Variants in RAD18 observed in about 807,000 individuals in gnomAD.
RAD18 encodes E3 ubiquitin-protein ligase RAD18.
RAD18 carries 47 observed loss-of-function variants against 60.4 expected under a neutral mutation model. The ratio of observed to expected loss-of-function variants is 0.78; its 90% CI spans 0.62 to 0.99. The LOEUF (loss-of-function observed/expected upper bound fraction) is 0.99. RAD18 is among the 50% of genes least tolerant of loss of function. The pLI is 0.00. For synonymous variants in RAD18, 225 were observed against 195.5 expected, an observed-to-expected ratio of 1.15 and a Z score of -1.26; for missense variants, 640 against 593.3, an observed-to-expected ratio of 1.08 and a Z score of -0.82.
rs1940746197 is a variant in RAD18, at chr3:8,941,517, G to C, written c.554C>G (p.Ala185Gly). ...TGTCGAGGGTGGCTCAGGACGCTTA[G>C]CCTCTGAGGGATCTGGAGCGATCTC... ...VEEIAPDPSE[A>G]KRPEPPSTST... The change falls in exon 5 of 13, where the codon GCT becomes GGT. Residue 185 changes from alanine (A) to glycine (G), a missense_variant. Physicochemically the swap from Ala to Gly is moderately conservative, Grantham distance 60. Coordinates refer to ENST00000264926, the MANE Select transcript of RAD18 (RefSeq NM_020165.4). 6.2e-7 allele frequency: 1 copy of C among 1,613,914 alleles called. No homozygotes were observed. The highest frequency in any genetic ancestry group is 2.2e-5 in the East Asian group (1 of 44,870).
chr3:8,948,414 A>C (rs1045299689), intron 3 of RAD18, 95 bp downstream of exon 3: 5 of 1,026,256 alleles, frequency 4.9e-6, no homozygotes, highest in Non-Finnish European at 7.3e-6. Context: ...CAGTAACTAC[A>C]CATCACCCTA....
At chr3:8,947,142 C>T in intron 4 of RAD18, 78 bp downstream of exon 4, 1 of 1,113,336 alleles carries the variant, frequency 9.0e-7, no homozygotes, top group Non-Finnish European at 1.3e-6. Context: ...TTCCCTAATC[C>T]AAAGGTGCAC....
intron 9 of RAD18, among the ~76,000 whole-genome samples, chr3:8,910,503 G>A (rs191258703): frequency 8.5e-4 from 130 of 152,202 alleles, no homozygotes; most frequent in Non-Finnish European, 1.6e-3. Flanking sequence ...AGCTACTCAG[G>A]AGGCTGAGGC....
intron 7 of RAD18, among the ~76,000 whole-genome samples, chr3:8,926,918 T>C (rs1329783748): frequency 6.6e-6 from 1 of 152,084 alleles, no homozygotes; most frequent in African/African-American, 2.4e-5. Context: ...TCAAGATGGA[T>C]TAAAGACTTA....
At chr3:8,947,067 A>T in intron 4 of RAD18, 153 bp downstream of exon 4, 1 of 631,710 alleles carries the variant, frequency 1.6e-6, no homozygotes, top group South Asian at 2.2e-5. Context: ...TACTCTAGTA[A>T]ATTTTCCATG....
intron 12 of RAD18, 197 bp downstream of exon 12, chr3:8,890,191 AC>A: frequency 1.8e-6 from 1 of 569,360 alleles, no homozygotes; most frequent in South Asian, 2.2e-5. Context: ...ATACATAACT[AC>A]AGTTATTACA....
intron 8 of RAD18, 93 bp from the exon 9 acceptor site, chr3:8,912,465 T>C: frequency 1.2e-6 from 1 of 849,720 alleles, no homozygotes; most frequent in South Asian, 1.8e-5. Context: ...TGTGAGTGTT[T>C]AAAATAGAGG....
rs902836650 is a variant in RAD18 at position 8,960,083 on chromosome 3, G to A, written c.52-1082C>T. On this transcript the variant is annotated intron_variant, in intron 1 of 12. Transcript: ENST00000264926. ...AGCACTTTGGGAGGCCAAGGCAGGA[G>A]AACTGCTTGAGTCCAGGAGTTTGAG... Among the ~76,000 whole-genome samples, 6 of 152,208 alleles carry A rather than the reference G, an allele frequency of 3.9e-5. No individual in the cohort carries two copies. In the South Asian group the frequency reaches 1.0e-3, roughly 26 times the overall value.
At position 8,881,244 on chromosome 3, in the gene RAD18, A is replaced by T. The variant is rs1559750215; in HGVS notation, c.*113T>A. The T allele has an allele frequency of 2.4e-6, 2 of 849,656 alleles. No individual in the cohort carries two copies. 52.6% of individuals were successfully genotyped at this position (849,656 alleles called of 1,614,324 possible). On this transcript the variant is annotated 3_prime_UTR_variant, in exon 13 of 13. Transcript: ENST00000264926. ...AAAGAATGAATATCAGCTAACCGTA[A>T]TATTTAGAATTTAGCATCTTTCCTT...
At chr3:8,882,135 AGAAG>A (rs1559750939) in intron 12 of RAD18, among the ~76,000 whole-genome samples, 1 of 107,806 alleles carries the variant, frequency 9.3e-6, no homozygotes, top group Admixed American at 9.4e-5. Context: ...GGGGACAGGA[AGAAG>A]TCAAGTCCTG....
chr3:8,933,706 G>A (rs997796646), intron 7 of RAD18, among the ~76,000 whole-genome samples: 4 of 151,808 alleles, frequency 2.6e-5, no homozygotes, highest in South Asian at 2.1e-4. Flanking sequence ...ACAAAAAAGG[G>A]GACAAACCAT....
chr3:8,925,707 T>G (rs972479217), intron 7 of RAD18, among the ~76,000 whole-genome samples: 1 of 152,116 alleles, frequency 6.6e-6, no homozygotes, highest in Non-Finnish European at 1.5e-5. Flanking sequence ...AAAAAGCTTA[T>G]CCACCATGAT....
In RAD18 at chr3:8,879,410, G is replaced by T; in HGVS notation, c.*1947C>A. 1 of 152,366 alleles carries T rather than the reference G, an allele frequency of 6.6e-6. No homozygotes were observed. Among genetic ancestry groups the T allele is most frequent in the Non-Finnish European group, 1.5e-5 (1 of 68,082 alleles). The allele number at this position is 152,366 out of a possible 1,614,324, so 9.4% of individuals were successfully genotyped here. On this transcript the variant is annotated 3_prime_UTR_variant, in exon 13 of 13. Transcript: ENST00000264926. ...CACAGTCATGTGCACACAGAGAAAA[G>T]ACCATGCAAGGACACCATGAGTGGA...
At chr3:8,902,591 A>G (rs925102773) in intron 9 of RAD18, 71 bp from the exon 10 acceptor site, 7 of 1,444,838 alleles carry the variant, frequency 4.8e-6, no homozygotes, top group Admixed American at 2.2e-5. Flanking sequence ...GACAAACTGA[A>G]TATCAAGAGG....
At chr3:8,915,819 G>A (rs113556252) in intron 7 of RAD18, among the ~76,000 whole-genome samples, 39 of 152,122 alleles carry the variant, frequency 2.6e-4, no homozygotes, top group Middle Eastern at 3.4e-3. Flanking sequence ...TCCTGACCTC[G>A]TGATCCACCC....
At chr3:8,893,566 T>G (rs1939728939) in intron 11 of RAD18, among the ~76,000 whole-genome samples, 1 of 152,164 alleles carries the variant, frequency 6.6e-6, no homozygotes. Context: ...GGCTAACGTA[T>G]TAGAATAGTA....
At chr3:8,926,755 C>T (rs917287781) in intron 7 of RAD18, among the ~76,000 whole-genome samples, 1 of 152,096 alleles carries the variant, frequency 6.6e-6, no homozygotes, top group African/African-American at 2.4e-5. Flanking sequence ...AATAATGCCG[C>T]ATATCTACGA....
intron 9 of RAD18, among the ~76,000 whole-genome samples, chr3:8,903,082 A>T (rs1939942611): frequency 6.6e-6 from 1 of 152,068 alleles, no homozygotes; most frequent in Non-Finnish European, 1.5e-5. Context: ...CAAGAACAGC[A>T]TCCTTAGGAA....
At chr3:8,954,637 GAACTACA>G (rs201632459) in intron 2 of RAD18, among the ~76,000 whole-genome samples, 2,004 of 152,236 alleles carry the variant, frequency 0.013, 17 homozygotes, top group Non-Finnish European at 0.02. Flanking sequence ...TGTACCTGCA[GAACTACA>G]AATGTAGTGT....
Sources: allele counts gnomAD v4.1 joint callset (sites outside exome capture counted in the v4.1 genomes callset), GRCh38; gene constraint gnomAD v4.1.1; transcripts MANE v1.5; gene names NCBI Gene and HGNC (gene_info 2026-07-23, HGNC 2026-07-21).